KIAA0825: variants seen among roughly 807,000 people sequenced by gnomAD.
KIAA0825 encodes KIAA0825, also known as uncharacterized protein KIAA0825.
A neutral mutation model predicts 147.6 loss-of-function variants in KIAA0825; 119 were observed. The observed-to-expected ratio is 0.81, with a 90% CI of 0.69 to 0.94. KIAA0825 has a LOEUF of 0.94. Among genes scored for constraint, KIAA0825 ranks in the 40% least tolerant of loss-of-function variants. The probability of loss-of-function intolerance (pLI) is 0.00; values close to 1 mark genes in which losing one functional copy is unlikely to be tolerated. For synonymous variants in KIAA0825, 470 were observed against 518.1 expected, an observed-to-expected ratio of 0.91 and a Z score of 1.26; for missense variants, 1,381 against 1,472.7, an observed-to-expected ratio of 0.94 and a Z score of 1.02.
At chr5:94,346,675 G>C (rs988248454) in intron 20 of KIAA0825, among the ~76,000 whole-genome samples, 1 of 152,184 alleles carries the variant, frequency 6.6e-6, no homozygotes, top group African/African-American at 2.4e-5. Context: ...CTGGGAGCTT[G>C]TTGGGTCCCC....
At chr5:94,323,335 C>T (rs1780374620) in intron 20 of KIAA0825, among the ~76,000 whole-genome samples, 1 of 151,820 alleles carries the variant, frequency 6.6e-6, no homozygotes, top group Non-Finnish European at 1.5e-5. Flanking sequence ...TGTATATTTT[C>T]ACATCTATGA....
intron 18 of KIAA0825, among the ~76,000 whole-genome samples, chr5:94,391,101 T>A (rs965205756): frequency 6.6e-6 from 1 of 152,230 alleles, no homozygotes; most frequent in Admixed American, 6.5e-5. Flanking sequence ...TATGGTTCAA[T>A]ACTCTTCTTT....
At chr5:94,220,444 G>C (rs1247538211) in intron 20 of KIAA0825, among the ~76,000 whole-genome samples, 2 of 152,050 alleles carry the variant, frequency 1.3e-5, no homozygotes, top group Admixed American at 6.6e-5. Context: ...ATAGTCATTT[G>C]TTAATATTGT....
chr5:94,506,170 A>G (rs182177712), intron 5 of KIAA0825, among the ~76,000 whole-genome samples: 51 of 152,356 alleles, frequency 3.3e-4, no homozygotes, highest in Non-Finnish European at 5.9e-4. Context: ...TTTTAAAATT[A>G]GCCAATGATC....
In KIAA0825 at chr5:94,359,631, G is replaced by A. The variant is rs920891875; in HGVS notation, c.3710+24737C>T. On this transcript the variant is annotated intron_variant, in intron 20 of 20. Coordinates refer to ENST00000682413, the MANE Select transcript of KIAA0825 (RefSeq NM_001145678.3). ...ATAAAATAAATAAAAGAAAGAAAGT[G>A]TGCTGGACCATGAGGCAGAGACCGT... 1.6e-4 allele frequency among the ~76,000 whole-genome samples: 25 copies of A among 152,134 alleles called. 1 individual carries two copies. The highest frequency in any genetic ancestry group is 4.1e-4 in the African/African-American group (17 of 41,428).
chr5:94,373,585 CT>C (rs888432540), intron 20 of KIAA0825, among the ~76,000 whole-genome samples: 1 of 151,972 alleles, frequency 6.6e-6, no homozygotes, highest in Non-Finnish European at 1.5e-5. Context: ...GAGGAAGCCC[CT>C]TCTAAAACCA....
intron 1 of KIAA0825, among the ~76,000 whole-genome samples, chr5:94,610,193 G>A (rs1788424327): frequency 6.6e-6 from 1 of 151,900 alleles, no homozygotes; most frequent in Admixed American, 6.6e-5. Flanking sequence ...GCCAAGGCGA[G>A]TGGATCACTT....
chr5:94,516,776 C>A (rs1245365733), intron 5 of KIAA0825, among the ~76,000 whole-genome samples: 1 of 127,458 alleles, frequency 7.8e-6, no homozygotes, highest in East Asian at 2.3e-4. Context: ...GGCGACAGAA[C>A]GAGACTCCGT....
chr5:94,587,618 C>A (rs1313525521), intron 1 of KIAA0825, among the ~76,000 whole-genome samples: 1 of 151,994 alleles, frequency 6.6e-6, no homozygotes, highest in African/African-American at 2.4e-5. Flanking sequence ...TGGCCATACT[C>A]CCTAAGGTAA....
intron 1 of KIAA0825, among the ~76,000 whole-genome samples, chr5:94,592,063 T>G (rs777260542): frequency 3.3e-5 from 5 of 152,198 alleles, no homozygotes; most frequent in Admixed American, 1.3e-4. Context: ...CATATCATTC[T>G]GCCCCTGGCC....
intron 20 of KIAA0825, among the ~76,000 whole-genome samples, chr5:94,329,831 A>T (rs1217339486): frequency 6.6e-6 from 1 of 151,854 alleles, no homozygotes; most frequent in Non-Finnish European, 1.5e-5. Context: ...AAGCCAGCAC[A>T]CAAAGACAAA....
chr5:94,336,302 C>G (rs1389985094), intron 20 of KIAA0825, among the ~76,000 whole-genome samples: 3 of 150,634 alleles, frequency 2.0e-5, no homozygotes, highest in Non-Finnish European at 4.4e-5. Flanking sequence ...GATACATGTG[C>G]AGAATGTGCA....
chr5:94,548,699 A>T (rs978931088), intron 2 of KIAA0825, among the ~76,000 whole-genome samples: 7 of 152,172 alleles, frequency 4.6e-5, no homozygotes, highest in African/African-American at 1.7e-4. Flanking sequence ...ATACACAAAG[A>T]CTGAAAACCG....
chr5:94,296,853 G>A (rs564879194), intron 20 of KIAA0825, among the ~76,000 whole-genome samples: 11 of 152,188 alleles, frequency 7.2e-5, no homozygotes, highest in African/African-American at 2.4e-4. Context: ...CATCTTGCCA[G>A]CCACCAGAAA....
intron 20 of KIAA0825, among the ~76,000 whole-genome samples, chr5:94,253,603 G>A (rs538655188): frequency 4.6e-5 from 7 of 151,996 alleles, no homozygotes; most frequent in African/African-American, 1.2e-4. Flanking sequence ...TCAAGTATAC[G>A]CCCTAAGATT....
intron 20 of KIAA0825, among the ~76,000 whole-genome samples, chr5:94,223,653 G>A (rs1423935031): frequency 1.3e-5 from 2 of 152,134 alleles, no homozygotes; most frequent in African/African-American, 2.4e-5. Flanking sequence ...TAAATCTATC[G>A]AAGGCTGTTC....
chr5:94,537,032 C>T lies in KIAA0825; in HGVS notation c.95G>A (p.Ser32Asn). The T allele has an allele frequency of 6.2e-7, 1 of 1,607,244 alleles. No homozygotes were observed. Among genetic ancestry groups the T allele is most frequent in the Non-Finnish European group, 8.5e-7 (1 of 1,174,684 alleles). Residue 32 changes from serine (S) to asparagine (N), a missense_variant, in exon 3 of 21, where the codon AGT becomes AAT. Coordinates refer to ENST00000682413, the MANE Select transcript of KIAA0825 (RefSeq NM_001145678.3). Reference sequence around the variant, plus strand: ...TTGTTCAATCTTTTCATCAATGTCACTGAAGATCTGCTCAAACTCCAAGTC... The same window carrying T: ...TTGTTCAATCTTTTCATCAATGTCATTGAAGATCTGCTCAAACTCCAAGTC... ...PGDLEFEQIF[S>N]DIDEKIEQNA...
At chr5:94,190,085 T>C (rs1770524157) in intron 20 of KIAA0825, among the ~76,000 whole-genome samples, 1 of 152,216 alleles carries the variant, frequency 6.6e-6, no homozygotes, top group African/African-American at 2.4e-5. Context: ...TTAACTGTTT[T>C]TTTGCTAACA....
At chr5:94,520,223 A>C in intron 5 of KIAA0825, 25 bp downstream of exon 5, 1 of 1,543,766 alleles carries the variant, frequency 6.5e-7, no homozygotes, top group Non-Finnish European at 8.7e-7. Flanking sequence ...AGTTAAACCA[A>C]ACAAAAATTT....
Sources: gnomAD v4.1 joint callset for allele counts (sites outside exome capture counted in the v4.1 genomes callset) on GRCh38, gnomAD v4.1.1 for gene constraint, MANE v1.5 for transcripts, NCBI Gene and HGNC (gene_info 2026-07-23, HGNC 2026-07-21) for gene names.